SRP72: variants seen among roughly 807,000 people sequenced by gnomAD.
The protein encoded by SRP72 is signal recognition particle 72, also known as signal recognition particle subunit SRP72.
Under a neutral mutation model 96.3 loss-of-function variants are expected in SRP72, and 49 were observed. The ratio of observed to expected loss-of-function variants is 0.51; its 90% confidence interval spans 0.40 to 0.65. SRP72 has a LOEUF of 0.65. Among genes scored for constraint, SRP72 ranks in the 30% least tolerant of loss-of-function variants. The pLI is 0.00. For missense variants in SRP72, 736 were observed against 793.3 expected (o/e 0.93, Z 0.87); for synonymous variants, 267 against 275.2 (o/e 0.97, Z 0.30).
intron 5 of SRP72, among the ~76,000 whole-genome samples, chr4:56,475,477 A>G (rs993121195): frequency 6.6e-6 from 1 of 150,386 alleles, no homozygotes; most frequent in Non-Finnish European, 1.5e-5. Flanking sequence ...AGCAGGGCCT[A>G]GGAGGGCCTA....
chr4:56,492,024 A>AAAT (rs1720925635), intron 16 of SRP72, among the ~76,000 whole-genome samples: 1 of 152,180 alleles, frequency 6.6e-6, no homozygotes. Context: ...CATTTAGTAG[A>AAAT]GACAGGGTTT....
At chr4:56,492,798 C>A (rs572582019) in intron 16 of SRP72, among the ~76,000 whole-genome samples, 2 of 151,984 alleles carry the variant, frequency 1.3e-5, no homozygotes, top group Non-Finnish European at 2.9e-5. Flanking sequence ...TTTTTTTCTT[C>A]CCCAAACAGG....
intron 5 of SRP72, among the ~76,000 whole-genome samples, chr4:56,475,469 CAGGGCCTAGG>C (rs561416177): frequency 5.9e-4 from 89 of 149,864 alleles, no homozygotes; most frequent in African/African-American, 2.1e-3. Flanking sequence ...GCTGAGGCAG[CAGGGCCTAGG>C]AGGGCCTAGG....
intron 11 of SRP72, among the ~76,000 whole-genome samples, chr4:56,486,742 C>T (rs997460417): frequency 1.3e-5 from 2 of 152,286 alleles, no homozygotes; most frequent in Non-Finnish European, 2.9e-5. Context: ...AATATTTGTA[C>T]GACTACTTTG....
intron 2 of SRP72, 27 bp downstream of exon 2, chr4:56,469,800 C>T: frequency 1.3e-6 from 2 of 1,569,138 alleles, no homozygotes; most frequent in Non-Finnish European, 1.7e-6. Flanking sequence ...GTTGCTTGTA[C>T]AGTTATTAGA....
chr4:56,489,407 T>C lies in SRP72; in HGVS notation c.1244T>C (p.Met415Thr). ...GTGTAGGTATCTGCATTAGTTACCA[T>C]GTATAGCCATGAAGAAGATATTGAT... ...KPGMVSALVT[M>T]YSHEEDIDSA... The change falls in exon 13 of 19, where the codon ATG (methionine) becomes ACG (threonine). Residue 415 changes from methionine to threonine, a missense_variant. Met to Thr is a moderately conservative substitution (Grantham distance 81). Transcript: ENST00000642900. The C allele has an allele frequency of 6.3e-7, 1 of 1,597,578 alleles. No homozygotes were observed. Among genetic ancestry groups the C allele is most frequent in the South Asian group, 1.1e-5 (1 of 89,074 alleles).
At chr4:56,475,561 C>CAAAAAAAA (rs1180420128) in intron 5 of SRP72, 1 of 103,306 alleles carries the variant, frequency 9.7e-6, no homozygotes, top group African/African-American at 3.4e-5. Context: ...GACGCTGTCT[C>CAAAAAAAA]AAAAAAAAAA....
intron 1 of SRP72, among the ~76,000 whole-genome samples, chr4:56,468,967 G>T (rs910489436): frequency 1.3e-5 from 2 of 152,146 alleles, no homozygotes; most frequent in Non-Finnish European, 2.9e-5. Flanking sequence ...TTTTAACACC[G>T]AACAGTTGTT....
intron 5 of SRP72, chr4:56,476,438 A>G: frequency 2.0e-6 from 1 of 512,076 alleles, no homozygotes; most frequent in Non-Finnish European, 3.4e-6. Context: ...CACTTTACAA[A>G]TATTTTTAGC....
intron 9 of SRP72, 36 bp from the exon 10 acceptor site, chr4:56,484,700 A>G: frequency 6.2e-7 from 1 of 1,609,830 alleles, no homozygotes; most frequent in East Asian, 2.2e-5. Flanking sequence ...TTCATTAACC[A>G]GTTTATTTTT....
chr4:56,484,670 C>A, intron 9 of SRP72, 66 bp from the exon 10 acceptor site: 4 of 1,579,112 alleles, frequency 2.5e-6, no homozygotes, highest in Non-Finnish European at 3.4e-6. Context: ...TCTTTTCTTT[C>A]TGGTCATTTA....
chr4:56,469,963 C>A (rs575647825), intron 2 of SRP72, among the ~76,000 whole-genome samples, 190 bp downstream of exon 2: 1 of 141,704 alleles, frequency 7.1e-6, no homozygotes, highest in Non-Finnish European at 1.5e-5. Flanking sequence ...TTTTTTTCAG[C>A]CTTAGAGAGT....
At chr4:56,477,293 C>CTTTTTTTTT (rs1720271833) in intron 6 of SRP72, 1 of 111,766 alleles carries the variant, frequency 8.9e-6, no homozygotes, top group African/African-American at 3.6e-5. Context: ...TTCTCTCTCT[C>CTTTTTTTTT]TCTCTCTCTT....
rs1721307450 is a variant in SRP72 at position 56,502,675 on chromosome 4, C to A, written c.*814C>A. On this transcript the variant is annotated 3_prime_UTR_variant, in exon 19 of 19. Coordinates refer to ENST00000642900, the MANE Select transcript of SRP72 (RefSeq NM_006947.4). The stretch of plus-strand genomic sequence containing the variant: ...GAGGTCACATGGGTTTGGACTGTCT[C>A]AATCAGAAAGATTAATGACTGTTAT... 2 of 151,840 alleles carry A rather than the reference C, an allele frequency of 1.3e-5. No individual in the cohort carries two copies. The highest frequency in any genetic ancestry group is 2.4e-5 in the African/African-American group (1 of 41,328). The allele number at this position is 151,840 out of a possible 1,614,324, so 9.4% of individuals were successfully genotyped here. A position where few individuals can be genotyped will look rare whatever the true frequency, so the allele number is the denominator to read the frequency against.
chr4:56,485,148 G>GTA (rs1720655577), intron 10 of SRP72, among the ~76,000 whole-genome samples: 1 of 152,122 alleles, frequency 6.6e-6, no homozygotes, highest in Non-Finnish European at 1.5e-5. Flanking sequence ...ATTTAGGCAT[G>GTA]TATAATTCCA....
At chr4:56,501,579 G>A (rs1277565509) in intron 18 of SRP72, 105 bp from the exon 19 acceptor site, 1 of 944,484 alleles carries the variant, frequency 1.1e-6, no homozygotes, top group African/African-American at 1.7e-5. Context: ...AGTAGAAAAT[G>A]TGTGGGAGAT....
At chr4:56,493,848 C>T (rs58337902) in intron 16 of SRP72, among the ~76,000 whole-genome samples, 4,740 of 151,926 alleles carry the variant, frequency 0.031, 166 homozygotes, top group East Asian at 0.19. Context: ...CCTGGGTGAC[C>T]GAATGAGACT....
chr4:56,467,874 C>A (rs62309294), intron 1 of SRP72, 130 bp downstream of exon 1: 5 of 941,244 alleles, frequency 5.3e-6, no homozygotes, highest in Non-Finnish European at 7.4e-6. Flanking sequence ...CGTCTATTGT[C>A]CGCCCGGCTC....
intron 16 of SRP72, among the ~76,000 whole-genome samples, chr4:56,493,905 A>G (rs1231130934): frequency 2.0e-5 from 3 of 152,176 alleles, no homozygotes; most frequent in Non-Finnish European, 4.4e-5. Flanking sequence ...AAATATATTT[A>G]AACAGTAATT....
Sources: gnomAD v4.1 joint callset for allele counts (sites outside exome capture counted in the v4.1 genomes callset) on GRCh38, gnomAD v4.1.1 for gene constraint, MANE v1.5 for transcripts, NCBI Gene and HGNC (gene_info 2026-07-23, HGNC 2026-07-21) for gene names.